DEXI: variants seen among roughly 807,000 people sequenced by gnomAD.
The protein encoded by DEXI is Dexi homolog, also known as dexamethasone-induced protein.
DEXI carries 2 observed loss-of-function variants against 2.5 expected under a neutral mutation model. The ratio of observed to expected loss-of-function variants is 0.81; its 90% confidence interval spans 0.33 to 2.55. The LOEUF is 2.55. Ranked by LOEUF, DEXI falls within the 30% of genes most tolerant of loss-of-function variation. DEXI has a pLI of 0.11. For synonymous variants in DEXI, 71 were observed against 68.7 expected (o/e 1.03, Z -0.17); for missense variants, 108 against 130.3 (o/e 0.83, Z 0.83).
At position 10,941,438 on chromosome 16, in the gene DEXI, A is replaced by G. The variant is rs535185166; in HGVS notation, c.*149+131T>C. The G allele has an allele frequency of 2.7e-5, 24 of 900,440 alleles. No homozygotes were observed. Among genetic ancestry groups the G allele is most frequent in the Middle Eastern group, 4.0e-4 (1 of 2,494 alleles). 55.8% of individuals were successfully genotyped at this position (900,440 alleles called of 1,614,324 possible). The stretch of plus-strand genomic sequence containing the variant: ...TAAGAGGAGTCTGGCCATTCCTGGC[A>G]TCCAGTTAGACCTGGAGGAGGTGAA... On this transcript the variant is annotated intron_variant, in intron 1 of 1. Transcript: ENST00000331808. The surrounding 1 kb of genome is among the most constrained non-coding windows in gnomAD (Gnocchi z 6.4).
At chr16:10,932,863 T>A (rs2040858803) in intron 1 of DEXI, 1 of 151,952 alleles carries the variant, frequency 6.6e-6, no homozygotes, top group African/African-American at 2.4e-5. Flanking sequence ...AATTGATGTA[T>A]TTTTTAGTAG....
In DEXI at chr16:10,929,704, C is replaced by T; in HGVS notation, c.*150-145G>A. ...CCTCCATCCCTCAAATTTAGGGAAC[C>T]ACTGGGAGCCCCAGACTCAGGCTGA... On this transcript the variant is annotated intron_variant, in intron 1 of 1. Coordinates refer to ENST00000331808, the MANE Select transcript of DEXI (RefSeq NM_014015.4). This position sits in a 1 kb window ranked among gnomAD's most constrained non-coding sequence, Gnocchi z 4.3. The T allele has an allele frequency of 4.0e-6, 1 of 252,338 alleles. No individual in the cohort carries two copies. The highest frequency in any genetic ancestry group is 6.3e-6 in the Non-Finnish European group (1 of 159,640). The allele number at this position is 252,338 out of a possible 1,614,324, so 15.6% of individuals were successfully genotyped here.
rs570936296 is a variant in DEXI at position 10,938,603 on chromosome 16, T to C, written c.*149+2966A>G. The C allele has an allele frequency of 6.6e-6, 1 of 152,204 alleles. No homozygotes were observed. Among genetic ancestry groups the C allele is most frequent in the Non-Finnish European group, 1.5e-5 (1 of 68,058 alleles). The allele number at this position is 152,204 out of a possible 1,614,324, so 9.4% of individuals were successfully genotyped here. A position where few individuals can be genotyped will look rare whatever the true frequency, so the allele number is the denominator to read the frequency against. On this transcript the variant is annotated intron_variant, in intron 1 of 1. Transcript: ENST00000331808. The surrounding 1 kb of genome is among the most constrained non-coding windows in gnomAD (Gnocchi z 4.9). Reference sequence around the variant, plus strand: ...GGCTCGGTCAGATCATCTTGAGGTCTTTCCTGGCGGCTTCCCTGCTGCTAG... The same window carrying C: ...GGCTCGGTCAGATCATCTTGAGGTCCTTCCTGGCGGCTTCCCTGCTGCTAG...
Position 10,940,413 on chromosome 16 carries a change from A to T in DEXI, c.*149+1156T>A, listed in dbSNP as rs1391963750. 1.3e-5 allele frequency: 2 copies of T among 152,258 alleles called. No homozygotes were observed. The highest frequency in any genetic ancestry group is 4.8e-5 in the African/African-American group (2 of 41,466). The allele number at this position is 152,258 out of a possible 1,614,324, so 9.4% of individuals were successfully genotyped here. On this transcript the variant is annotated intron_variant, in intron 1 of 1. Transcript: ENST00000331808. This position sits in a 1 kb window ranked among gnomAD's most constrained non-coding sequence, Gnocchi z 4.2. ...GTGGTTGTCTTGGCAAAGCCAGGTAATGCAGGAGAGGGGTGGACTCAGCCT... is the reference window on the plus strand; with the variant it reads ...GTGGTTGTCTTGGCAAAGCCAGGTATTGCAGGAGAGGGGTGGACTCAGCCT...
chr16:10,942,034 C>T lies in DEXI; in HGVS notation c.-29G>A, dbSNP rs572435508. 1,274 of 1,371,126 alleles carry T rather than the reference C, an allele frequency of 9.3e-4. 3 individuals carry two copies. Among genetic ancestry groups the T allele is most frequent in the Non-Finnish European group, 1.1e-3 (1,171 of 1,064,044 alleles). 84.9% of individuals were successfully genotyped at this position (1,371,126 alleles called of 1,614,324 possible). On this transcript the variant is annotated 5_prime_UTR_variant, in exon 1 of 2. Coordinates refer to ENST00000331808, the MANE Select transcript of DEXI (RefSeq NM_014015.4). This position sits in a 1 kb window ranked among gnomAD's most constrained non-coding sequence, Gnocchi z 5.0. ...GCGGGTGGCAAGGGCGGCGGCCCGG[C>T]GATCCCGGCGAACTCAGCCGCTGCG... is the stretch of plus-strand genomic sequence containing the variant.
At chr16:10,935,954 C>T (rs1479252515) in intron 1 of DEXI, 1 of 151,866 alleles carries the variant, frequency 6.6e-6, no homozygotes, top group African/African-American at 2.4e-5. Context: ...CCTCAACTCT[C>T]CCCTTTTTAT....
rs1446170069 is a variant in DEXI, at chr16:10,937,029, G to C, written c.*149+4540C>G. The C allele has an allele frequency of 6.6e-6, 1 of 152,230 alleles. No individual in the cohort carries two copies. The highest frequency in any genetic ancestry group is 1.5e-5 in the Non-Finnish European group (1 of 68,050). 9.4% of individuals were successfully genotyped at this position (152,230 alleles called of 1,614,324 possible). A position where few individuals can be genotyped will look rare whatever the true frequency, so the allele number is the denominator to read the frequency against. ...TGGGGCAGACCCTGCCTGTTTCTTG[G>C]CTGAAATCTCCAGTTTGTATAATTC... is the stretch of plus-strand genomic sequence containing the variant. On this transcript the variant is annotated intron_variant, in intron 1 of 1. Transcript: ENST00000331808. This position sits in a 1 kb window ranked among gnomAD's most constrained non-coding sequence, Gnocchi z 4.2.
intron 1 of DEXI, chr16:10,936,490 G>A (rs999912587): frequency 2.0e-5 from 3 of 152,232 alleles, no homozygotes; most frequent in African/African-American, 7.2e-5. Flanking sequence ...AGAGGGAAGA[G>A]CATGCACGTG....
rs2041047272 is a variant in DEXI, at chr16:10,937,629, G to A, written c.*149+3940C>T. ...TCAGCTCGCTGTGTGCCAAGAGAGGGCTGGCAGGTACCAGCAGCTTTCACT... is the reference window on the plus strand; with the variant it reads ...TCAGCTCGCTGTGTGCCAAGAGAGGACTGGCAGGTACCAGCAGCTTTCACT... On this transcript the variant is annotated intron_variant, in intron 1 of 1. Coordinates refer to ENST00000331808, the MANE Select transcript of DEXI (RefSeq NM_014015.4). The surrounding 1 kb of genome is among the most constrained non-coding windows in gnomAD (Gnocchi z 4.2). 1 of 152,234 alleles carries A rather than the reference G, an allele frequency of 6.6e-6. No homozygotes were observed. The highest frequency in any genetic ancestry group is 1.5e-5 in the Non-Finnish European group (1 of 68,058). The allele number at this position is 152,234 out of a possible 1,614,324, so 9.4% of individuals were successfully genotyped here.
intron 1 of DEXI, chr16:10,935,708 T>G (rs1253700873): frequency 6.6e-6 from 1 of 152,220 alleles, no homozygotes; most frequent in Non-Finnish European, 1.5e-5. Flanking sequence ...CTCGATAAGA[T>G]GCACTGAAGA....
At chr16:10,933,361 G>C (rs1200105539) in intron 1 of DEXI, 1 of 152,360 alleles carries the variant, frequency 6.6e-6, no homozygotes, top group Admixed American at 6.5e-5. Flanking sequence ...CGCACTGGTG[G>C]GTGAGGCTCT....
At position 10,941,681 on chromosome 16, in the gene DEXI, G is replaced by C. The variant is rs373347012; in HGVS notation, c.*37C>G. The C allele has an allele frequency of 1.9e-6, 3 of 1,568,752 alleles. No homozygotes were observed. Among genetic ancestry groups the C allele is most frequent in the Non-Finnish European group, 2.6e-6 (3 of 1,154,656 alleles). On this transcript the variant is annotated 3_prime_UTR_variant, in exon 1 of 2. Transcript: ENST00000331808. This position sits in a 1 kb window ranked among gnomAD's most constrained non-coding sequence, Gnocchi z 6.4. ...GCGGCTGGTCCAGGGCATGGGTTGC[G>C]GATCGTGTAGGGAAGAGGGGAACAG...
Position 10,941,422 on chromosome 16 carries a change from T to C in DEXI, c.*149+147A>G. On this transcript the variant is annotated intron_variant, in intron 1 of 1. Transcript: ENST00000331808. This position sits in a 1 kb window ranked among gnomAD's most constrained non-coding sequence, Gnocchi z 6.4. Reference sequence around the variant, plus strand: ...GCCCAAACGAAGGGCTTAAGAGGAGTCTGGCCATTCCTGGCATCCAGTTAG... The same window carrying C: ...GCCCAAACGAAGGGCTTAAGAGGAGCCTGGCCATTCCTGGCATCCAGTTAG... The C allele has an allele frequency of 2.8e-6, 2 of 725,738 alleles. No individual in the cohort carries two copies. The highest frequency in any genetic ancestry group is 3.7e-6 in the Non-Finnish European group (2 of 534,460). 45.0% of individuals were successfully genotyped at this position (725,738 alleles called of 1,614,324 possible).
rs1318100722 is a variant in DEXI, at chr16:10,941,492, T to C, written c.*149+77A>G. 5.2e-6 allele frequency: 7 copies of C among 1,335,216 alleles called. No individual in the cohort carries two copies. Among genetic ancestry groups the C allele is most frequent in the Admixed American group, 6.5e-5 (2 of 30,854 alleles). 82.7% of individuals were successfully genotyped at this position (1,335,216 alleles called of 1,614,324 possible). The stretch of plus-strand genomic sequence containing the variant: ...AGGAGAAGCCTGAGGGAGGGGTGTG[T>C]ATCCGGCCTGGGAATTCCTCCCTCT... On this transcript the variant is annotated intron_variant, in intron 1 of 1. Transcript: ENST00000331808. This position sits in a 1 kb window ranked among gnomAD's most constrained non-coding sequence, Gnocchi z 6.4.
rs1457578577 is a variant in DEXI, at chr16:10,937,783, G to A, written c.*149+3786C>T. On this transcript the variant is annotated intron_variant, in intron 1 of 1. Transcript: ENST00000331808. The surrounding 1 kb of genome is among the most constrained non-coding windows in gnomAD (Gnocchi z 4.2). ...TTCTCCTGGGAAGGAGGGAGCTCCC[G>A]ATTCCCCATTCCCTGCTCCTGGGCA... 3.9e-5 allele frequency: 6 copies of A among 152,206 alleles called. No homozygotes were observed. The highest frequency in any genetic ancestry group is 8.8e-5 in the Non-Finnish European group (6 of 68,066). The allele number at this position is 152,206 out of a possible 1,614,324, so 9.4% of individuals were successfully genotyped here. A position where few individuals can be genotyped will look rare whatever the true frequency, so the allele number is the denominator to read the frequency against.
At position 10,940,794 on chromosome 16, in the gene DEXI, C is replaced by T. The variant is rs749795149; in HGVS notation, c.*149+775G>A. On this transcript the variant is annotated intron_variant, in intron 1 of 1. Coordinates refer to ENST00000331808, the MANE Select transcript of DEXI (RefSeq NM_014015.4). This position sits in a 1 kb window ranked among gnomAD's most constrained non-coding sequence, Gnocchi z 4.2. ...CCTCGTCACAGCCCCAAAGACAGGA[C>T]TTGACCATCTCAGTGCAATGACCCT... The T allele has an allele frequency of 4.6e-5, 7 of 152,364 alleles. No individual in the cohort carries two copies. The highest frequency in any genetic ancestry group is 7.3e-5 in the Non-Finnish European group (5 of 68,166). The allele number at this position is 152,364 out of a possible 1,614,324, so 9.4% of individuals were successfully genotyped here. A position where few individuals can be genotyped will look rare whatever the true frequency, so the allele number is the denominator to read the frequency against.
intron 1 of DEXI, chr16:10,933,265 A>G (rs2040876938): frequency 6.6e-6 from 1 of 152,268 alleles, no homozygotes; most frequent in Non-Finnish European, 1.5e-5. Context: ...CCCTTCGTGA[A>G]GCAATGTCTT....
rs2040673907 is a variant in DEXI, at chr16:10,929,320, G to C, written c.*389C>G. On this transcript the variant is annotated 3_prime_UTR_variant, in exon 2 of 2. Coordinates refer to ENST00000331808, the MANE Select transcript of DEXI (RefSeq NM_014015.4). This position sits in a 1 kb window ranked among gnomAD's most constrained non-coding sequence, Gnocchi z 4.3. The stretch of plus-strand genomic sequence containing the variant: ...GGTGCGCTCCGGGATGAAGTGCAGG[G>C]AGGCAAACTCTGGCTGGGTTCCTGT... 2.0e-6 allele frequency: 2 copies of C among 985,826 alleles called. No homozygotes were observed. The highest frequency in any genetic ancestry group is 2.4e-6 in the Non-Finnish European group (2 of 829,978). 61.1% of individuals were successfully genotyped at this position (985,826 alleles called of 1,614,324 possible).
At chr16:10,935,013 A>T (rs1304129086) in intron 1 of DEXI, 1 of 152,302 alleles carries the variant, frequency 6.6e-6, no homozygotes, top group Non-Finnish European at 1.5e-5. Flanking sequence ...ATTGACACTG[A>T]CCACGTCATT....
Sources: gnomAD v4.1 joint callset for allele counts on GRCh38, gnomAD v4.1.1 for gene constraint, Gnocchi (gnomAD v3.1) non-coding constraint, MANE v1.5 for transcripts, NCBI Gene and HGNC (gene_info 2026-07-23, HGNC 2026-07-21) for gene names.